RPP30: variants seen among roughly 807,000 people sequenced by gnomAD.
RPP30 encodes ribonuclease P/MRP subunit p30.
In RPP30, 36 loss-of-function variants were observed where a neutral mutation model predicts 38.6. The ratio of observed to expected loss-of-function variants is 0.93; its 90% CI spans 0.71 to 1.23. The LOEUF (loss-of-function observed/expected upper bound fraction) is 1.23. Ranked by LOEUF, RPP30 falls within the 50% of genes most tolerant of loss-of-function variation. RPP30 has a pLI of 0.00. For synonymous variants in RPP30, 126 were observed against 112.7 expected, an observed-to-expected ratio of 1.12 and a Z score of -0.75; for missense variants, 321 against 321.7, an observed-to-expected ratio of 1.00 and a Z score of 0.02.
chr10:90,907,763 CAAAG>C (rs1847269038), downstream of RPP30, among the ~76,000 whole-genome samples: 3 of 152,188 alleles, frequency 2.0e-5, no homozygotes, highest in African/African-American at 7.2e-5. Context: ...GTTACCACCT[CAAAG>C]AAGTCTTTAT....
intron 1 of RPP30, among the ~76,000 whole-genome samples, chr10:90,873,866 A>C (rs1028049320): frequency 5.4e-4 from 82 of 152,250 alleles, no homozygotes; most frequent in Admixed American, 4.1e-3. Flanking sequence ...TGTGACCCCT[A>C]CACCAGGTTT....
At chr10:90,875,869 G>A (rs76266752) in intron 3 of RPP30, among the ~76,000 whole-genome samples, 155 bp from the exon 4 acceptor site, 2,072 of 152,152 alleles carry the variant, frequency 0.014, 47 homozygotes, top group African/African-American at 0.047. Context: ...TCTTTCTGTG[G>A]CTGTATTGTA....
downstream of RPP30, among the ~76,000 whole-genome samples, chr10:90,904,439 C>G (rs1847232320): frequency 6.6e-6 from 1 of 152,192 alleles, no homozygotes. Flanking sequence ...TCTGTTCTCC[C>G]TACCTGTCAC....
chr10:90,877,652 T>TG (rs1846870238), intron 4 of RPP30, among the ~76,000 whole-genome samples: 1 of 151,628 alleles, frequency 6.6e-6, no homozygotes, highest in Admixed American at 6.6e-5. Flanking sequence ...GATTTATTGA[T>TG]GTGACAGTCC....
At chr10:90,880,869 T>A (rs1846919961) in intron 5 of RPP30, among the ~76,000 whole-genome samples, 1 of 152,204 alleles carries the variant, frequency 6.6e-6, no homozygotes, top group African/African-American at 2.4e-5. Context: ...ACTGGAGACT[T>A]TGTTCCAGTA....
intron 10 of RPP30, among the ~76,000 whole-genome samples, chr10:90,897,637 A>G (rs1847155693): frequency 6.6e-6 from 1 of 152,238 alleles, no homozygotes; most frequent in African/African-American, 2.4e-5. Context: ...ATTTTGAGTA[A>G]CAGTTGGGGT....
intron 6 of RPP30, among the ~76,000 whole-genome samples, chr10:90,890,256 G>A (rs543041717): frequency 4.5e-4 from 69 of 152,298 alleles, no homozygotes; most frequent in African/African-American, 1.2e-3. Context: ...TTTAAAACAT[G>A]AGCTTTATGA....
chr10:90,873,369 G>A (rs2120177103), intron 1 of RPP30, among the ~76,000 whole-genome samples: 1 of 152,310 alleles, frequency 6.6e-6, no homozygotes, highest in South Asian at 2.1e-4. Flanking sequence ...GGCATATAAA[G>A]TTGCCTCAAC....
At chr10:90,884,165 A>AGAAGT (rs1846968609) in intron 5 of RPP30, among the ~76,000 whole-genome samples, 1 of 152,196 alleles carries the variant, frequency 6.6e-6, no homozygotes, top group South Asian at 2.1e-4. Flanking sequence ...AATGACTGTC[A>AGAAGT]TTGTACTAAT....
chr10:90,908,028 CTG>C (rs566540090), downstream of RPP30, among the ~76,000 whole-genome samples: 237 of 152,276 alleles, frequency 1.6e-3, no homozygotes, highest in Non-Finnish European at 3.0e-3. Flanking sequence ...CGACATGTCA[CTG>C]TACTGAATAC....
chr10:90,881,665 G>T (rs538489082), intron 5 of RPP30, among the ~76,000 whole-genome samples: 17 of 152,244 alleles, frequency 1.1e-4, no homozygotes, highest in African/African-American at 3.1e-4. Context: ...AATTTTAAAA[G>T]ACATCTTTCT....
Position 90,901,240 on chromosome 10 carries a change from G to T in RPP30, c.*561G>T. 1.1e-6 allele frequency: 1 copy of T among 918,666 alleles called. No individual in the cohort carries two copies. Among genetic ancestry groups the T allele is most frequent in the Non-Finnish European group, 1.3e-6 (1 of 770,520 alleles). The allele number at this position is 918,666 out of a possible 1,614,324, so 56.9% of individuals were successfully genotyped here. ...AGGATCAAGCCATCCTCCCGCTTTG[G>T]CCTCCTAAAGTGCTGGGATTACATG... is the stretch of plus-strand genomic sequence containing the variant. On this transcript the variant is annotated 3_prime_UTR_variant, in exon 11 of 11. Coordinates refer to ENST00000371703, the MANE Select transcript of RPP30 (RefSeq NM_006413.5).
downstream of RPP30, among the ~76,000 whole-genome samples, chr10:90,902,797 T>C (rs1161360972): frequency 6.6e-6 from 1 of 152,186 alleles, no homozygotes. Context: ...TTTGATGGAT[T>C]AACCTACTCA....
chr10:90,884,694 G>A (rs543607958), intron 5 of RPP30, among the ~76,000 whole-genome samples: 60 of 152,266 alleles, frequency 3.9e-4, no homozygotes, highest in Non-Finnish European at 6.9e-4. Flanking sequence ...GTTGGAGTAG[G>A]AGTGACTGAA....
At chr10:90,887,055 C>T (rs1397001167) in intron 6 of RPP30, among the ~76,000 whole-genome samples, 2 of 152,132 alleles carry the variant, frequency 1.3e-5, no homozygotes, top group Non-Finnish European at 2.9e-5. Flanking sequence ...GCAGCCTCAA[C>T]TTCCTGGGAT....
chr10:90,884,476 A>G (rs1298670286), intron 5 of RPP30, among the ~76,000 whole-genome samples: 1 of 152,188 alleles, frequency 6.6e-6, no homozygotes, highest in Non-Finnish European at 1.5e-5. Context: ...AATTTGTTTC[A>G]GCTATCATTC....
chr10:90,898,546 T>A (rs1234783956), intron 10 of RPP30, among the ~76,000 whole-genome samples: 2 of 152,172 alleles, frequency 1.3e-5, no homozygotes, highest in African/African-American at 4.8e-5. Flanking sequence ...TCTGTATCAT[T>A]CTGAGTGCCA....
intron 6 of RPP30, among the ~76,000 whole-genome samples, chr10:90,891,285 C>T (rs908203763): frequency 6.6e-6 from 1 of 152,146 alleles, no homozygotes; most frequent in African/African-American, 2.4e-5. Context: ...AGCTACGTAA[C>T]TCCAGTCTCT....
chr10:90,871,974 A>G lies in RPP30; in HGVS notation c.-13A>G, dbSNP rs755565181. 1.2e-6 allele frequency: 2 copies of G among 1,613,436 alleles called. No homozygotes were observed. The highest frequency in any genetic ancestry group is 2.2e-5 in the East Asian group (1 of 44,862). On this transcript the variant is annotated 5_prime_UTR_variant, in exon 1 of 11. The change abolishes an upstream ATG in the 5' untranslated region. Transcript: ENST00000371703. ...CGCAGACTGGCGCGCGCGGACGGTC[A>G]TGGGACTTCAGCATGGCGGTGTTTG... is the stretch of plus-strand genomic sequence containing the variant.
Sources: allele counts gnomAD v4.1 joint callset (sites outside exome capture counted in the v4.1 genomes callset), GRCh38; gene constraint gnomAD v4.1.1; transcripts MANE v1.5; gene names NCBI Gene and HGNC (gene_info 2026-07-23, HGNC 2026-07-21).